Variants in NRXN3 observed in about 807,000 individuals in gnomAD.
NRXN3 encodes the protein neurexin III.
Under a neutral mutation model 137.6 loss-of-function variants are expected in NRXN3, and 32 were observed. The ratio of observed to expected loss-of-function variants is 0.23; its 90% CI spans 0.18 to 0.31. The LOEUF is 0.31. Among genes scored for constraint, NRXN3 ranks in the 10% least tolerant of loss-of-function variants. The pLI is 1.00. For synonymous variants in NRXN3, 798 were observed against 784.5 expected (o/e 1.02, Z -0.29); for missense variants, 1,574 against 2,062.5 (o/e 0.76, Z 4.59).
chr14:78,635,970 AG>A (rs1395148988), intron 4 of NRXN3, among the ~76,000 whole-genome samples: 1 of 152,160 alleles, frequency 6.6e-6, no homozygotes, highest in Non-Finnish European at 1.5e-5. Flanking sequence ...ATGTGGCTCC[AG>A]ATGTGCCTAT....
chr14:79,545,562 T>C (rs1483787408), intron 16 of NRXN3, among the ~76,000 whole-genome samples: 14 of 152,140 alleles, frequency 9.2e-5, no homozygotes, highest in Non-Finnish European at 1.5e-4. Context: ...CCCTGTGCTA[T>C]AGAAGGTACC....
chr14:79,038,290 G>A (rs182251702), intron 15 of NRXN3, among the ~76,000 whole-genome samples: 3 of 152,122 alleles, frequency 2.0e-5, no homozygotes, highest in Admixed American at 1.3e-4. Flanking sequence ...TGAAAAGATA[G>A]AGAAGAGATA....
intron 4 of NRXN3, among the ~76,000 whole-genome samples, chr14:78,489,032 C>T (rs2153747634): frequency 6.6e-6 from 1 of 152,262 alleles, no homozygotes; most frequent in Non-Finnish European, 1.5e-5. Flanking sequence ...GTGACTACAT[C>T]AGAGAGATGC....
At chr14:78,654,603 A>G (rs1477263803) in intron 6 of NRXN3, among the ~76,000 whole-genome samples, 3 of 152,256 alleles carry the variant, frequency 2.0e-5, no homozygotes, top group Admixed American at 1.3e-4. Flanking sequence ...TGTAAAAGCC[A>G]CAACAAAGCG....
chr14:78,977,700 G>A (rs1481132212), intron 14 of NRXN3, among the ~76,000 whole-genome samples: 1 of 152,114 alleles, frequency 6.6e-6, no homozygotes, highest in African/African-American at 2.4e-5. Flanking sequence ...GGTGCTGTGG[G>A]TAAATCACTT....
chr14:79,183,757 T>C (rs766577995), intron 15 of NRXN3, among the ~76,000 whole-genome samples: 1 of 152,240 alleles, frequency 6.6e-6, no homozygotes, highest in African/African-American at 2.4e-5. Flanking sequence ...CACCTGTTTT[T>C]CTTTTGCTTA....
At chr14:78,399,144 A>G (rs1227915605) in intron 4 of NRXN3, among the ~76,000 whole-genome samples, 9 of 152,240 alleles carry the variant, frequency 5.9e-5, no homozygotes, top group Non-Finnish European at 1.3e-4. Context: ...AAACAAAAAC[A>G]CAGAAAACTT....
At chr14:79,455,988 TTCTGAGTAAAGCTTTA>T (rs1177932008) in intron 15 of NRXN3, among the ~76,000 whole-genome samples, 3 of 152,248 alleles carry the variant, frequency 2.0e-5, no homozygotes, top group Non-Finnish European at 4.4e-5. Context: ...TCTTCTGAGT[TTCTGAGTAAAGCTTTA>T]TCTGAAGTTT....
intron 15 of NRXN3, among the ~76,000 whole-genome samples, chr14:79,402,750 T>A (rs2095236108): frequency 6.6e-6 from 1 of 152,186 alleles, no homozygotes; most frequent in Non-Finnish European, 1.5e-5. Context: ...TGTTCATTAA[T>A]TCATCAATTC....
chr14:78,505,185 G>A (rs928230277), intron 4 of NRXN3, among the ~76,000 whole-genome samples: 3 of 151,948 alleles, frequency 2.0e-5, no homozygotes, highest in Non-Finnish European at 4.4e-5. Flanking sequence ...AACCTACCTA[G>A]GAAGGTTTTT....
In NRXN3 at chr14:78,715,054, G is replaced by A. The variant is rs747941188; in HGVS notation, c.1959G>A (p.Lys653=). 1.2e-6 allele frequency: 2 copies of A among 1,613,728 alleles called. No individual in the cohort carries two copies. The highest frequency in any genetic ancestry group is 2.7e-5 in the African/African-American group (2 of 74,940). Reference sequence around the variant, plus strand: ...AGCAGTGTGACAGCTACCCCTGCAAGAATAATGCTGTGTGCAAGGACGGCT... The same window carrying A: ...AGCAGTGTGACAGCTACCCCTGCAAAAATAATGCTGTGTGCAAGGACGGCT... ...SAKQCDSYPC[K]NNAVCKDGWN... The change falls in exon 8 of 21, where the codon AAG becomes AAA. Residue 653 remains lysine (K), a synonymous_variant. Coordinates refer to ENST00000335750, the MANE Select transcript of NRXN3 (RefSeq NM_001330195.2).
intron 20 of NRXN3, among the ~76,000 whole-genome samples, chr14:79,819,763 A>G (rs189931018): frequency 4.6e-5 from 7 of 152,076 alleles, no homozygotes; most frequent in African/African-American, 7.2e-5. Flanking sequence ...GATTACAGGC[A>G]TCAGCCACCG....
intron 10 of NRXN3, among the ~76,000 whole-genome samples, chr14:78,936,730 T>C (rs923883180): frequency 2.0e-5 from 3 of 152,196 alleles, no homozygotes; most frequent in Non-Finnish European, 4.4e-5. Flanking sequence ...CAGCATCCAG[T>C]GTCCCCATAG....
At chr14:79,215,944 C>G (rs1002815892) in intron 15 of NRXN3, among the ~76,000 whole-genome samples, 5 of 152,164 alleles carry the variant, frequency 3.3e-5, no homozygotes, top group Non-Finnish European at 7.4e-5. Flanking sequence ...TGCTGTGTCA[C>G]AGACCACTCC....
chr14:79,424,583 G>A (rs1450102382), intron 15 of NRXN3, among the ~76,000 whole-genome samples: 1 of 152,080 alleles, frequency 6.6e-6, no homozygotes, highest in African/African-American at 2.4e-5. Flanking sequence ...GTTGTGTAAG[G>A]TCTAAAACTG....
intron 15 of NRXN3, among the ~76,000 whole-genome samples, chr14:79,050,566 A>G (rs952525266): frequency 2.6e-5 from 4 of 152,238 alleles, no homozygotes; most frequent in Non-Finnish European, 4.4e-5. Flanking sequence ...CTGATGGACG[A>G]TATGTACCAC....
intron 19 of NRXN3, among the ~76,000 whole-genome samples, chr14:79,715,235 G>T (rs368019308): frequency 5.3e-5 from 8 of 152,174 alleles, no homozygotes; most frequent in Non-Finnish European, 8.8e-5. Context: ...TTACAGGCGT[G>T]AGCCACTGTG....
chr14:78,881,127 G>A (rs1457302776), intron 10 of NRXN3, among the ~76,000 whole-genome samples: 1 of 151,598 alleles, frequency 6.6e-6, no homozygotes, highest in African/African-American at 2.4e-5. Flanking sequence ...CACCATGATT[G>A]TAAGTTTCCT....
At chr14:78,448,028 G>T (rs1336442937) in intron 4 of NRXN3, among the ~76,000 whole-genome samples, 1 of 152,024 alleles carries the variant, frequency 6.6e-6, no homozygotes, top group African/African-American at 2.4e-5. Context: ...TTTTTACTGG[G>T]TGTATCTTCT....
Sources: gnomAD v4.1 joint callset for allele counts (sites outside exome capture counted in the v4.1 genomes callset) on GRCh38, gnomAD v4.1.1 for gene constraint, MANE v1.5 for transcripts, NCBI Gene and HGNC (gene_info 2026-07-23, HGNC 2026-07-21) for gene names.